Variants in BCL2L14 observed in about 807,000 individuals in gnomAD.
BCL2L14 encodes apoptosis facilitator Bcl-2-like protein 14.
Under a neutral mutation model 35.3 loss-of-function variants are expected in BCL2L14, and 27 were observed. The observed-to-expected ratio is 0.76, with a 90% CI of 0.56 to 1.05. The LOEUF (loss-of-function observed/expected upper bound fraction) is 1.05. BCL2L14 is among the 50% of genes least tolerant of loss of function. The probability of loss-of-function intolerance (pLI) is 0.00; values close to 1 mark genes in which losing one functional copy is unlikely to be tolerated. For synonymous variants in BCL2L14, 139 were observed against 145.9 expected (o/e 0.95, Z 0.34); for missense variants, 377 against 382.6 (o/e 0.99, Z 0.12).
intron 2 of BCL2L14, among the ~76,000 whole-genome samples, chr12:12,085,664 T>C (rs2136762192): frequency 6.6e-6 from 1 of 152,350 alleles, no homozygotes; most frequent in East Asian, 1.9e-4. Flanking sequence ...CAGTATCTTC[T>C]GTGGCCTTTC....
At chr12:12,058,884 T>C (rs151179242) in intron 2 of BCL2L14, among the ~76,000 whole-genome samples, 1,880 of 152,284 alleles carry the variant, frequency 0.012, 37 homozygotes, top group African/African-American at 0.043. Flanking sequence ...GACCTCAGGT[T>C]CTCAGACCAA....
chr12:12,059,193 C>G (rs1026637039), intron 2 of BCL2L14, among the ~76,000 whole-genome samples: 5 of 152,298 alleles, frequency 3.3e-5, no homozygotes, highest in Non-Finnish European at 7.4e-5. Context: ...AGGTGTCAGA[C>G]CACACAGGGA....
At chr12:12,058,118 T>G (rs1948460595) in intron 2 of BCL2L14, among the ~76,000 whole-genome samples, 1 of 151,558 alleles carries the variant, frequency 6.6e-6, no homozygotes, top group Admixed American at 6.6e-5. Context: ...CCAGCTAAAT[T>G]TTTTTGTGTT....
chr12:12,057,421 T>C (rs1201645548), intron 2 of BCL2L14, among the ~76,000 whole-genome samples: 1 of 152,156 alleles, frequency 6.6e-6, no homozygotes, highest in Non-Finnish European at 1.5e-5. Context: ...TTTCCATTTT[T>C]CCCTACGCCA....
At chr12:12,070,716 A>T (rs114744734), upstream of BCL2L14, among the ~76,000 whole-genome samples, 735 of 152,264 alleles carry the variant, frequency 4.8e-3, 10 homozygotes, top group African/African-American at 0.016. Flanking sequence ...CAGTACCTGT[A>T]CCATGTTAGG....
At chr12:12,065,403 G>A (rs1389906532) in intron 2 of BCL2L14, among the ~76,000 whole-genome samples, 4 of 152,054 alleles carry the variant, frequency 2.6e-5, no homozygotes, top group Non-Finnish European at 5.9e-5. Flanking sequence ...GGGCATGATG[G>A]CGTGCACCTG....
At chr12:12,064,900 G>A (rs927516199) in intron 2 of BCL2L14, among the ~76,000 whole-genome samples, 2 of 152,180 alleles carry the variant, frequency 1.3e-5, no homozygotes, top group South Asian at 2.1e-4. Context: ...TACTAAGAAC[G>A]TCTTTCTCCA....
intron 3 of BCL2L14, among the ~76,000 whole-genome samples, chr12:12,090,487 G>A (rs1949159513): frequency 6.6e-6 from 1 of 152,032 alleles, no homozygotes; most frequent in Non-Finnish European, 1.5e-5. Flanking sequence ...AAAAAAATTA[G>A]CCAGGCGTGG....
intron 2 of BCL2L14, among the ~76,000 whole-genome samples, chr12:12,082,467 C>T (rs1397012871): frequency 6.6e-6 from 1 of 152,204 alleles, no homozygotes; most frequent in Non-Finnish European, 1.5e-5. Flanking sequence ...TGCCAGCAGA[C>T]AGAGAAAGCT....
At chr12:12,090,653 A>C (rs544328723) in intron 3 of BCL2L14, 126 bp from the exon 4 acceptor site, 1 of 623,172 alleles carries the variant, frequency 1.6e-6, no homozygotes, top group Non-Finnish European at 2.7e-6. Context: ...AAATAAAAAA[A>C]AAAAAAAGAA....
chr12:12,072,553 G>C (rs1007996481), intron 1 of BCL2L14: 1 of 152,150 alleles, frequency 6.6e-6, no homozygotes, highest in Non-Finnish European at 1.5e-5. Flanking sequence ...TGTCCTCTGC[G>C]GCCCTGAATT....
intron 5 of BCL2L14, chr12:12,095,990 G>A (rs974270106): frequency 2.0e-6 from 2 of 985,346 alleles, no homozygotes; most frequent in Non-Finnish European, 2.4e-6. Flanking sequence ...AAGGAGGACA[G>A]GTTCCTCAAC....
intron 1 of BCL2L14, among the ~76,000 whole-genome samples, chr12:12,074,430 C>A (rs1275382088): frequency 1.3e-5 from 2 of 152,020 alleles, no homozygotes; most frequent in African/African-American, 4.8e-5. Context: ...AAGATATGTA[C>A]CTTTTTCTTT....
upstream of BCL2L14, among the ~76,000 whole-genome samples, chr12:12,070,446 A>G (rs1303144086): frequency 1.3e-5 from 2 of 152,182 alleles, no homozygotes; most frequent in Non-Finnish European, 2.9e-5. Flanking sequence ...GCACTTTGGG[A>G]GGCCGAGGAG....
intron 4 of BCL2L14, among the ~76,000 whole-genome samples, chr12:12,091,517 T>A (rs1196299427): frequency 1.3e-5 from 2 of 152,190 alleles, no homozygotes; most frequent in African/African-American, 4.8e-5. Context: ...GTCTCTAGAA[T>A]CTGTCAATCA....
At chr12:12,095,641 C>G (rs1249102962) in intron 5 of BCL2L14, 16 of 985,278 alleles carry the variant, frequency 1.6e-5, no homozygotes, top group Non-Finnish European at 1.9e-5. Context: ...CCTAGGCGGA[C>G]AGACCTTCAT....
chr12:12,078,089 T>C (rs1288638707), intron 1 of BCL2L14: 1 of 267,250 alleles, frequency 3.7e-6, no homozygotes, highest in Non-Finnish European at 7.9e-6. Context: ...CTTGTACTGA[T>C]CTTTTTCAAA....
intron 2 of BCL2L14, among the ~76,000 whole-genome samples, chr12:12,080,690 TAA>T (rs1183019644): frequency 6.6e-6 from 1 of 151,564 alleles, no homozygotes; most frequent in Non-Finnish European, 1.5e-5. Context: ...CTGCTCTTCC[TAA>T]GTCAACTCAT....
intron 3 of BCL2L14, among the ~76,000 whole-genome samples, chr12:12,088,180 G>T (rs1047894728): frequency 6.6e-6 from 1 of 152,180 alleles, no homozygotes; most frequent in Admixed American, 6.5e-5. Context: ...AAAACAAAGA[G>T]AAAGGAGAAC....
Sources: gnomAD v4.1 joint callset for allele counts (sites outside exome capture counted in the v4.1 genomes callset) on GRCh38, gnomAD v4.1.1 for gene constraint, MANE v1.5 for transcripts, NCBI Gene and HGNC (gene_info 2026-07-23, HGNC 2026-07-21) for gene names.